NAPA: variants seen among roughly 807,000 people sequenced by gnomAD.
NAPA encodes NSF attachment protein alpha, also known as alpha-soluble NSF attachment protein.
In NAPA, 18 loss-of-function variants were observed where a neutral mutation model predicts 48.0. The observed-to-expected ratio is 0.38, with a 90% CI of 0.26 to 0.56. The LOEUF (loss-of-function observed/expected upper bound fraction) is 0.56. Among genes scored for constraint, NAPA ranks in the 20% least tolerant of loss-of-function variants. The probability of loss-of-function intolerance (pLI) is 0.77; values close to 1 mark genes in which losing one functional copy is unlikely to be tolerated. For synonymous variants in NAPA, 152 were observed against 149.9 expected, an observed-to-expected ratio of 1.01 and a Z score of -0.10; for missense variants, 315 against 385.0, an observed-to-expected ratio of 0.82 and a Z score of 1.52.
chr19:47,488,183 G>C lies in NAPA; in HGVS notation c.*105C>G. 1 of 1,107,962 alleles carries C rather than the reference G, an allele frequency of 9.0e-7. No individual in the cohort carries two copies. The highest frequency in any genetic ancestry group is 1.5e-5 in the South Asian group (1 of 68,926). 68.6% of individuals were successfully genotyped at this position (1,107,962 alleles called of 1,614,324 possible). A position where few individuals can be genotyped will look rare whatever the true frequency, so the allele number is the denominator to read the frequency against. ...TGCCACCTGCCCACTGTGGCCCGCG[G>C]CACTCCCCAGATGGGAAAGGAGGGA... On this transcript the variant is annotated 3_prime_UTR_variant, in exon 11 of 11. Coordinates refer to ENST00000263354, the MANE Select transcript of NAPA (RefSeq NM_003827.4).
chr19:47,492,674 G>T (rs1017500174), intron 7 of NAPA: 1 of 560,974 alleles, frequency 1.8e-6, no homozygotes, highest in South Asian at 1.7e-5. Context: ...CTCCCTCTGG[G>T]TTCTTTAGCC....
At chr19:47,495,031 C>T (rs1488857982) in intron 4 of NAPA, 1 of 154,524 alleles carries the variant, frequency 6.5e-6, no homozygotes, top group Non-Finnish European at 1.4e-5. Context: ...GAGACAGGGT[C>T]TTGTTTTGTC....
chr19:47,513,296 G>A (rs1247744781), intron 1 of NAPA, among the ~76,000 whole-genome samples: 1 of 152,026 alleles, frequency 6.6e-6, no homozygotes, highest in Non-Finnish European at 1.5e-5. Flanking sequence ...AGACCTCTCC[G>A]CTCGGGCGTC....
At chr19:47,508,037 T>C (rs1968727366) in intron 1 of NAPA, among the ~76,000 whole-genome samples, 1 of 152,070 alleles carries the variant, frequency 6.6e-6, no homozygotes, top group African/African-American at 2.4e-5. Flanking sequence ...TCCTCTAGAT[T>C]AAAGAAGCCA....
At chr19:47,510,814 TG>T (rs545244374) in intron 1 of NAPA, among the ~76,000 whole-genome samples, 18 of 152,186 alleles carry the variant, frequency 1.2e-4, no homozygotes, top group Non-Finnish European at 2.5e-4. Flanking sequence ...CTCACTGTGC[TG>T]TAGTTAGGAA....
chr19:47,491,381 GT>G, intron 8 of NAPA: 1 of 158,176 alleles, frequency 6.3e-6, no homozygotes, highest in Admixed American at 6.1e-5. Context: ...GTGTGTGTGT[GT>G]GGGGTGTGTG....
intron 9 of NAPA, among the ~76,000 whole-genome samples, chr19:47,490,319 AGTGT>A (rs1009922716): frequency 1.4e-4 from 15 of 109,158 alleles, no homozygotes; most frequent in African/African-American, 5.5e-4. Flanking sequence ...GTGTGTGTGT[AGTGT>A]GTGTGCGATA....
intron 3 of NAPA, chr19:47,496,843 A>G (rs1968438336): frequency 2.2e-6 from 1 of 455,932 alleles, no homozygotes; most frequent in Non-Finnish European, 4.4e-6. Flanking sequence ...TGGGGTCCAT[A>G]AGCACTCCTC....
At position 47,493,006 on chromosome 19, in the gene NAPA, A is replaced by T; in HGVS notation, c.516T>A (p.Ala172=). ...NKCLLKVAGY[A]ALLEQYQKAI... is the part of the protein sequence containing the mutation. ...CCTTCTGATACTGCTCCAGCAGCGCAGCGTAACCAGCCACCTTCAGCAGAC... is the reference window on the plus strand; with the variant it reads ...CCTTCTGATACTGCTCCAGCAGCGCTGCGTAACCAGCCACCTTCAGCAGAC... Residue 172 remains alanine (A), a synonymous_variant, in exon 7 of 11, where the codon GCT becomes GCA. Coordinates refer to ENST00000263354, the MANE Select transcript of NAPA (RefSeq NM_003827.4). The surrounding 1 kb of genome is among the most constrained non-coding windows in gnomAD (Gnocchi z 6.4). 1 of 1,614,162 alleles carries T rather than the reference A, an allele frequency of 6.2e-7. No homozygotes were observed. Among genetic ancestry groups the T allele is most frequent in the South Asian group, 1.1e-5 (1 of 91,078 alleles).
intron 3 of NAPA, 180 bp from the exon 4 acceptor site, chr19:47,495,776 G>T: frequency 1.6e-6 from 1 of 624,370 alleles, no homozygotes; most frequent in Non-Finnish European, 2.9e-6. Flanking sequence ...GAATCCCTGA[G>T]CCCCAGGAAA....
In NAPA at chr19:47,493,653, G is replaced by C; in HGVS notation, c.343-160C>G. On this transcript the variant is annotated intron_variant, in intron 4 of 10. Coordinates refer to ENST00000263354, the MANE Select transcript of NAPA (RefSeq NM_003827.4). The surrounding 1 kb of genome is among the most constrained non-coding windows in gnomAD (Gnocchi z 6.4). Reference sequence around the variant, plus strand: ...AAGATCGAGAGGTGGGGGAACACAGGAGTGAGAAGGGAGGGCCCCAGCACT... The same window carrying C: ...AAGATCGAGAGGTGGGGGAACACAGCAGTGAGAAGGGAGGGCCCCAGCACT... 3.0e-6 allele frequency: 2 copies of C among 659,514 alleles called. No individual in the cohort carries two copies. The highest frequency in any genetic ancestry group is 5.5e-6 in the Non-Finnish European group (2 of 366,826). The allele number at this position is 659,514 out of a possible 1,614,324, so 40.9% of individuals were successfully genotyped here. A position where few individuals can be genotyped will look rare whatever the true frequency, so the allele number is the denominator to read the frequency against.
chr19:47,509,988 G>C (rs1237845239), intron 1 of NAPA, among the ~76,000 whole-genome samples: 1 of 152,230 alleles, frequency 6.6e-6, no homozygotes, highest in Non-Finnish European at 1.5e-5. Context: ...TGGCCAGGCA[G>C]CAAAGTCCTA....
rs1252141781 is a variant in NAPA at position 47,492,628 on chromosome 19, G to A, written c.561+333C>T. 1.7e-5 allele frequency: 8 copies of A among 457,718 alleles called. No individual in the cohort carries two copies. In the East Asian group the frequency reaches 1.9e-4, roughly 11 times the overall value. The allele number at this position is 457,718 out of a possible 1,614,324, so 28.4% of individuals were successfully genotyped here. ...TCGGGCCATGGGGTGGGGTGCCCAC[G>A]GCCACCCTGGGCCTCTTGGCACTTC... On this transcript the variant is annotated intron_variant, in intron 7 of 10. Transcript: ENST00000263354.
chr19:47,492,770 G>C (rs1968308814), intron 7 of NAPA, 191 bp downstream of exon 7: 1 of 701,770 alleles, frequency 1.4e-6, no homozygotes, highest in Admixed American at 2.0e-5. Context: ...GGCACGGCAT[G>C]GAGTCGTAGG....
At position 47,489,633 on chromosome 19, in the gene NAPA, G is replaced by C. The variant is rs181880438; in HGVS notation, c.786+78C>G. 1.0e-3 allele frequency: 1,541 copies of C among 1,478,086 alleles called. 24 individuals carry two copies. In the African/African-American group the frequency reaches 0.019, roughly 18 times the overall value. 91.6% of individuals were successfully genotyped at this position (1,478,086 alleles called of 1,614,324 possible). A position where few individuals can be genotyped will look rare whatever the true frequency, so the allele number is the denominator to read the frequency against. The stretch of plus-strand genomic sequence containing the variant: ...AGATGAAATGGGTGAATGTCATGGA[G>C]AGCGTGTCTGAGAAGGGCAGCTTTC... On this transcript the variant is annotated intron_variant, in intron 10 of 10. Coordinates refer to ENST00000263354, the MANE Select transcript of NAPA (RefSeq NM_003827.4).
chr19:47,500,858 A>G (rs955203525), intron 2 of NAPA, 109 bp from the exon 3 acceptor site: 1 of 796,282 alleles, frequency 1.3e-6, no homozygotes, highest in Middle Eastern at 2.6e-4. Context: ...ATGCGGAAAG[A>G]GTCCCCAAGA....
chr19:47,513,352 C>T (rs1019501038), intron 1 of NAPA, among the ~76,000 whole-genome samples: 8 of 152,210 alleles, frequency 5.3e-5, no homozygotes, highest in Admixed American at 3.3e-4. Flanking sequence ...AACCTGTTTC[C>T]TTCTGGAAGT....
chr19:47,492,377 G>C (rs888687304), intron 7 of NAPA: 1 of 496,788 alleles, frequency 2.0e-6, no homozygotes, highest in Non-Finnish European at 3.7e-6. Flanking sequence ...GGCCTTCTGA[G>C]AGCCTGAGAC....
downstream of NAPA, among the ~76,000 whole-genome samples, chr19:47,485,523 C>T (rs1207821768): frequency 6.6e-6 from 1 of 152,198 alleles, no homozygotes; most frequent in Non-Finnish European, 1.5e-5. Flanking sequence ...GTCCTGGACA[C>T]CTCGAGCACA....
Sources: gnomAD v4.1 joint callset for allele counts (sites outside exome capture counted in the v4.1 genomes callset) on GRCh38, gnomAD v4.1.1 for gene constraint, Gnocchi (gnomAD v3.1) non-coding constraint, MANE v1.5 for transcripts, NCBI Gene and HGNC (gene_info 2026-07-23, HGNC 2026-07-21) for gene names.